Variants in CDH8 observed in about 807,000 individuals in gnomAD.
CDH8 encodes the protein cadherin 8.
CDH8 carries 17 observed loss-of-function variants against 68.1 expected under a neutral mutation model. That is an observed-to-expected ratio of 0.25 (90% CI 0.17 to 0.37). The LOEUF (loss-of-function observed/expected upper bound fraction) is 0.37, where lower values mean the gene tolerates loss of function less well. Among genes scored for constraint, CDH8 ranks in the 10% least tolerant of loss-of-function variants. The pLI is 1.00. For missense variants in CDH8, 763 were observed against 999.3 expected (o/e 0.76, Z 3.19); for synonymous variants, 372 against 365.1 (o/e 1.02, Z -0.21).
chr16:62,015,882 T>C (rs1433731072), intron 2 of CDH8, among the ~76,000 whole-genome samples: 1 of 152,174 alleles, frequency 6.6e-6, no homozygotes. Flanking sequence ...GCTGGCACCC[T>C]GATCTTAAAG....
chr16:61,728,832 TG>T (rs1959453190), intron 8 of CDH8, among the ~76,000 whole-genome samples: 1 of 151,016 alleles, frequency 6.6e-6, no homozygotes. Flanking sequence ...TTCTACTACT[TG>T]TGTGACTCTG....
Position 61,825,047 on chromosome 16 carries a change from G to C in CDH8, c.800C>G (p.Thr267Ser). The C allele has an allele frequency of 6.2e-7, 1 of 1,611,916 alleles. No homozygotes were observed. The highest frequency in any genetic ancestry group is 1.1e-5 in the South Asian group (1 of 91,000). The change falls in exon 5 of 12, where the codon ACT becomes AGT. Residue 267 changes from threonine (T) to serine (S), a missense_variant. Thr to Ser is a moderately conservative substitution (Grantham distance 58, BLOSUM62 1). This residue lies in a region of CDH8 where 366 missense variants were observed against 563.1 expected (regional missense o/e 0.65). Transcript: ENST00000577390. ...SGTTTLTVTL[T>S]DVNDNPPKFA... is the part of the protein sequence containing the mutation. ...TTTTGGAGGATTGTCATTAACATCA[G>C]TAAGAGTCACTGTAAGTGTCGTGGT...
In CDH8 at chr16:61,820,993, T is replaced by A. The variant is rs774562760; in HGVS notation, c.956A>T (p.Asp319Val). The change falls in exon 6 of 12, where the codon GAT (aspartate) becomes GTT (valine). Residue 319 changes from aspartate to valine, a missense_variant. Asp to Val is a radical substitution (Grantham distance 152). This residue lies in a region of CDH8 where 366 missense variants were observed against 563.1 expected (regional missense o/e 0.65). Transcript: ENST00000577390. ...AQSSYDIIDG[D>V]GTALFEITSD... Reference sequence around the variant, plus strand: ...AGTGATTTCAAAAAGTGCTGTTCCATCTCCATCGATGATATCATATGATGA... The same window carrying A: ...AGTGATTTCAAAAAGTGCTGTTCCAACTCCATCGATGATATCATATGATGA... 6.2e-7 allele frequency: 1 copy of A among 1,612,938 alleles called. No individual in the cohort carries two copies. The highest frequency in any genetic ancestry group is 8.5e-7 in the Non-Finnish European group (1 of 1,179,236).
chr16:61,701,041 T>G (rs749208457), intron 10 of CDH8, among the ~76,000 whole-genome samples: 1 of 152,164 alleles, frequency 6.6e-6, no homozygotes, highest in Non-Finnish European at 1.5e-5. Context: ...TTTAAAATAC[T>G]AATAAAAGAA....
At chr16:61,733,470 A>T (rs984900331) in intron 8 of CDH8, among the ~76,000 whole-genome samples, 7 of 151,724 alleles carry the variant, frequency 4.6e-5, no homozygotes, top group Admixed American at 4.6e-4. Flanking sequence ...AAATAATAAG[A>T]AAATAAAAAA....
In CDH8 at chr16:61,653,249, A is replaced by AT. The variant is rs536383228; in HGVS notation, c.*358dup. Reference sequence around the variant, plus strand: ...AGCAGCAGATTCCTTGCAGGTCCGTATTTTTTTTTCTAAGAAAGCACCTTT... The same window carrying AT: ...AGCAGCAGATTCCTTGCAGGTCCGTATTTTTTTTTTCTAAGAAAGCACCTTT... On this transcript the variant is annotated 3_prime_UTR_variant, in exon 12 of 12. Transcript: ENST00000577390. The AT allele has an allele frequency of 6.7e-4, 780 of 1,160,764 alleles. No homozygotes were observed. The highest frequency in any genetic ancestry group is 2.3e-3 in the East Asian group (58 of 24,820). The allele number at this position is 1,160,764 out of a possible 1,614,324, so 71.9% of individuals were successfully genotyped here.
At chr16:62,013,701 G>C (rs1241288438) in intron 2 of CDH8, among the ~76,000 whole-genome samples, 2 of 152,128 alleles carry the variant, frequency 1.3e-5, no homozygotes, top group Non-Finnish European at 2.9e-5. Context: ...AATATGCAAT[G>C]AGTCACTTTC....
chr16:61,871,263 C>T (rs891804985), intron 3 of CDH8, among the ~76,000 whole-genome samples: 2 of 151,934 alleles, frequency 1.3e-5, no homozygotes, highest in Admixed American at 1.3e-4. Flanking sequence ...TCACTGCAGC[C>T]TCGACCTCCC....
chr16:61,939,417 C>A, intron 2 of CDH8, among the ~76,000 whole-genome samples: 1 of 152,100 alleles, frequency 6.6e-6, no homozygotes, highest in South Asian at 2.1e-4. Flanking sequence ...GATGGGGAAG[C>A]ATTATTTTTC....
At chr16:61,675,644 AGT>A (rs1963892531) in intron 10 of CDH8, among the ~76,000 whole-genome samples, 1 of 151,010 alleles carries the variant, frequency 6.6e-6, no homozygotes. Context: ...AAATAAAAAT[AGT>A]GTTATCATTT....
chr16:61,687,961 A>C (rs1964140495), intron 10 of CDH8, among the ~76,000 whole-genome samples: 1 of 152,046 alleles, frequency 6.6e-6, no homozygotes, highest in Admixed American at 6.6e-5. Flanking sequence ...AGTCATCAGC[A>C]TCCGTTGGCA....
intron 8 of CDH8, among the ~76,000 whole-genome samples, chr16:61,766,368 A>C (rs56999632): frequency 0.027 from 4,113 of 151,818 alleles, 182 homozygotes; most frequent in African/African-American, 0.094. Flanking sequence ...CATATGCTAC[A>C]TTTTCTTTAT....
intron 2 of CDH8, among the ~76,000 whole-genome samples, chr16:61,997,014 T>C (rs1226615216): frequency 6.6e-6 from 1 of 152,114 alleles, no homozygotes; most frequent in Non-Finnish European, 1.5e-5. Flanking sequence ...TGTGTGTGTG[T>C]GTGTGTGTAT....
chr16:61,703,052 G>T (rs759212074), intron 10 of CDH8, among the ~76,000 whole-genome samples: 1 of 152,080 alleles, frequency 6.6e-6, no homozygotes, highest in Non-Finnish European at 1.5e-5. Context: ...GAATAAATTT[G>T]TCTTAAAATA....
At chr16:61,936,027 T>A (rs1964621967) in intron 2 of CDH8, among the ~76,000 whole-genome samples, 1 of 152,150 alleles carries the variant, frequency 6.6e-6, no homozygotes. Context: ...GCTGTGTCCT[T>A]TAAAAAGTTA....
At chr16:61,825,329 T>C (rs1962306520) in intron 4 of CDH8, 150 bp from the exon 5 acceptor site, 1 of 575,408 alleles carries the variant, frequency 1.7e-6, no homozygotes, top group Non-Finnish European at 3.0e-6. Flanking sequence ...GATTGGTGTG[T>C]GCCTGTTACA....
At chr16:61,770,047 G>C (rs1960737747) in intron 8 of CDH8, among the ~76,000 whole-genome samples, 2 of 151,788 alleles carry the variant, frequency 1.3e-5, no homozygotes, top group Non-Finnish European at 2.9e-5. Flanking sequence ...ATCAAATCTG[G>C]TGGATTCAAA....
At chr16:61,761,146 G>T (rs1053702353) in intron 8 of CDH8, among the ~76,000 whole-genome samples, 4 of 151,990 alleles carry the variant, frequency 2.6e-5, no homozygotes, top group African/African-American at 9.7e-5. Context: ...AAATTAAGAA[G>T]AATACCAATA....
At chr16:61,659,672 T>A (rs1596838940) in intron 10 of CDH8, among the ~76,000 whole-genome samples, 1 of 151,994 alleles carries the variant, frequency 6.6e-6, no homozygotes, top group South Asian at 2.1e-4. Flanking sequence ...GGCTATTTTT[T>A]CCCCCAGCAT....
Sources: allele counts gnomAD v4.1 joint callset (sites outside exome capture counted in the v4.1 genomes callset), GRCh38; gene constraint gnomAD v4.1.1; regional missense constraint gnomAD v4.1.1; transcripts MANE v1.5; gene names NCBI Gene and HGNC (gene_info 2026-07-23, HGNC 2026-07-21).